The following FHIT variants were observed in gnomAD, a reference collection of about 807,000 sequenced individuals.
FHIT encodes the protein bis(5'-adenosyl)-triphosphatase.
In FHIT, 19 loss-of-function variants were observed where a neutral mutation model predicts 17.9. That is an observed-to-expected ratio of 1.06 (90% CI 0.74 to 1.56). The LOEUF (loss-of-function observed/expected upper bound fraction) is 1.56, where lower values mean the gene tolerates loss of function less well. FHIT is among the 40% of genes most tolerant of loss of function. The pLI is 0.00. For synonymous variants in FHIT, 81 were observed against 69.7 expected, an observed-to-expected ratio of 1.16 and a Z score of -0.81; for missense variants, 248 against 189.2, an observed-to-expected ratio of 1.31 and a Z score of -1.82.
intron 2 of FHIT, among the ~76,000 whole-genome samples, chr3:61,192,795 A>G (rs2107215167): frequency 6.6e-6 from 1 of 152,298 alleles, no homozygotes; most frequent in African/African-American, 2.4e-5. Flanking sequence ...AAGACAACTG[A>G]GATGCCAGAA....
chr3:59,841,950 C>A lies in FHIT; in HGVS notation c.348+80396G>T, dbSNP rs568100602. ...TCTTGGCTATTTTTAGGTGTACAGT[C>A]CAGTGACAATAAGTACATTTACATT... On this transcript the variant is annotated intron_variant, in intron 8 of 9. Coordinates refer to ENST00000492590, the MANE Select transcript of FHIT (RefSeq NM_002012.4). Among the ~76,000 whole-genome samples the A allele has an allele frequency of 2.0e-5, 3 of 152,100 alleles. 1 individual carries two copies. The highest frequency in any genetic ancestry group is 6.3e-3 in the Middle Eastern group (2 of 316).
intron 5 of FHIT, among the ~76,000 whole-genome samples, chr3:60,374,792 T>C (rs1343496113): frequency 6.6e-6 from 1 of 152,096 alleles, no homozygotes; most frequent in Non-Finnish European, 1.5e-5. Context: ...TGAGACGTGA[T>C]AATAGTTGTG....
chr3:60,240,831 C>T (rs544210814), intron 5 of FHIT, among the ~76,000 whole-genome samples: 23 of 152,102 alleles, frequency 1.5e-4, no homozygotes, highest in African/African-American at 5.1e-4. Flanking sequence ...CCCTCAGATC[C>T]AAGAGCTGTA....
chr3:60,803,351 G>A (rs1047938648), intron 4 of FHIT, among the ~76,000 whole-genome samples: 4 of 152,136 alleles, frequency 2.6e-5, no homozygotes, highest in East Asian at 1.9e-4. Flanking sequence ...GCCAGCCGCC[G>A]CCAAAAACAG....
intron 3 of FHIT, among the ~76,000 whole-genome samples, chr3:60,878,142 C>A (rs1704757142): frequency 6.6e-6 from 1 of 152,062 alleles, no homozygotes; most frequent in Non-Finnish European, 1.5e-5. Context: ...GGGGTAGAAT[C>A]ACAGCTACAA....
At chr3:59,942,334 C>T (rs916245846) in intron 7 of FHIT, among the ~76,000 whole-genome samples, 2 of 152,208 alleles carry the variant, frequency 1.3e-5, no homozygotes, top group Non-Finnish European at 2.9e-5. Context: ...ACACTACCTT[C>T]CTCCTCCCCA....
chr3:60,203,522 G>C (rs1367678063), intron 5 of FHIT, among the ~76,000 whole-genome samples: 1 of 152,110 alleles, frequency 6.6e-6, no homozygotes, highest in Non-Finnish European at 1.5e-5. Context: ...ATCACTGAAA[G>C]CTCCTTTTTG....
chr3:60,331,675 C>T (rs773534123), intron 5 of FHIT, among the ~76,000 whole-genome samples: 3 of 152,070 alleles, frequency 2.0e-5, no homozygotes, highest in East Asian at 1.9e-4. Flanking sequence ...GGAGAAACCT[C>T]GTATCTGCTA....
intron 4 of FHIT, among the ~76,000 whole-genome samples, chr3:60,675,429 C>A (rs527403050): frequency 9.2e-5 from 14 of 152,256 alleles, no homozygotes; most frequent in African/African-American, 3.1e-4. Flanking sequence ...TGCCCGGGAA[C>A]AAAAGAAGCC....
intron 4 of FHIT, among the ~76,000 whole-genome samples, chr3:60,587,352 C>T (rs1437425544): frequency 8.6e-5 from 13 of 151,734 alleles, no homozygotes; most frequent in East Asian, 3.9e-4. Context: ...GGCCAGTTGG[C>T]GGGTGGGGAG....
intron 5 of FHIT, among the ~76,000 whole-genome samples, chr3:60,172,436 T>C (rs2107407638): frequency 6.7e-6 from 1 of 150,052 alleles, no homozygotes; most frequent in Non-Finnish European, 1.5e-5. Context: ...TGGCTAATTT[T>C]GTATTTTTTT....
chr3:61,021,598 CAAAAAAAAAAAAAAA>C (rs34870709), intron 3 of FHIT, among the ~76,000 whole-genome samples: 1 of 63,862 alleles, frequency 1.6e-5, no homozygotes, highest in Non-Finnish European at 2.7e-5. Flanking sequence ...GACTCCGTCT[CAAAAAAAAAAAAAAA>C]AAAAAAAAGA....
At chr3:60,991,508 T>A (rs1321647040) in intron 3 of FHIT, among the ~76,000 whole-genome samples, 2 of 152,228 alleles carry the variant, frequency 1.3e-5, no homozygotes, top group Non-Finnish European at 2.9e-5. Flanking sequence ...GACAAAATTG[T>A]GTTCCACTCA....
intron 5 of FHIT, among the ~76,000 whole-genome samples, chr3:60,360,514 TTCTG>T (rs925470158): frequency 2.0e-5 from 3 of 152,174 alleles, no homozygotes; most frequent in African/African-American, 2.4e-5. Flanking sequence ...TGGGTTTTAA[TTCTG>T]TCTTTCTGTG....
intron 2 of FHIT, among the ~76,000 whole-genome samples, chr3:61,160,188 T>G (rs772538578): frequency 3.0e-4 from 21 of 69,658 alleles, no homozygotes; most frequent in Admixed American, 2.7e-3. Context: ...CACCCCCACC[T>G]CCTTAGCCCC....
chr3:59,874,373 T>C (rs920262544), intron 8 of FHIT, among the ~76,000 whole-genome samples: 19 of 152,226 alleles, frequency 1.2e-4, no homozygotes, highest in African/African-American at 4.3e-4. Context: ...ACTAGCATGG[T>C]AGTTCTCAAG....
intron 5 of FHIT, among the ~76,000 whole-genome samples, chr3:60,421,401 C>T (rs557228048): frequency 1.3e-5 from 2 of 152,212 alleles, no homozygotes; most frequent in East Asian, 3.9e-4. Context: ...TTTTAGCATA[C>T]TTGGGTTCAA....
intron 8 of FHIT, among the ~76,000 whole-genome samples, chr3:59,841,163 G>C (rs1701520518): frequency 6.6e-6 from 1 of 152,136 alleles, no homozygotes; most frequent in Non-Finnish European, 1.5e-5. Context: ...GAAAAGGTCA[G>C]ATGATCTTGC....
At chr3:59,878,636 T>G (rs570875593) in intron 8 of FHIT, among the ~76,000 whole-genome samples, 1 of 152,072 alleles carries the variant, frequency 6.6e-6, no homozygotes, top group Non-Finnish European at 1.5e-5. Flanking sequence ...TTTCACAGCA[T>G]GAGGAACACA....
Sources: gnomAD v4.1 joint callset for allele counts (sites outside exome capture counted in the v4.1 genomes callset) on GRCh38, gnomAD v4.1.1 for gene constraint, MANE v1.5 for transcripts, NCBI Gene and HGNC (gene_info 2026-07-23, HGNC 2026-07-21) for gene names.